Variants in SESN3 observed in about 807,000 individuals in gnomAD.
SESN3 encodes the protein sestrin-3.
SESN3 carries 21 observed loss-of-function variants against 55.3 expected under a neutral mutation model. The observed-to-expected ratio is 0.38, with a 90% confidence interval of 0.27 to 0.55. The LOEUF is 0.55. Ranked by LOEUF, SESN3 falls within the 20% of genes least tolerant of loss-of-function variation. The pLI, the probability that SESN3 is intolerant of heterozygous loss-of-function variation, is 0.76. For synonymous variants in SESN3, 181 were observed against 203.1 expected (o/e 0.89, Z 0.93); for missense variants, 408 against 604.3 (o/e 0.68, Z 3.41).
At chr11:95,212,867 T>C (rs558655189) in intron 1 of SESN3, among the ~76,000 whole-genome samples, 3 of 152,310 alleles carry the variant, frequency 2.0e-5, no homozygotes, top group East Asian at 1.9e-4. Context: ...CTGTGAACAT[T>C]TGTCTTTATC....
At chr11:95,176,289 A>G (rs991845645) in intron 8 of SESN3, among the ~76,000 whole-genome samples, 10 of 152,256 alleles carry the variant, frequency 6.6e-5, no homozygotes, top group African/African-American at 2.4e-4. Flanking sequence ...GTGACAGTAA[A>G]TATACACAAT....
At chr11:95,187,249 T>C (rs1860185480) in intron 4 of SESN3, among the ~76,000 whole-genome samples, 1 of 151,884 alleles carries the variant, frequency 6.6e-6, no homozygotes, top group South Asian at 2.1e-4. Flanking sequence ...TAGAACAAAG[T>C]GTATTAATAT....
chr11:95,212,258 C>A (rs1860669630), intron 1 of SESN3, among the ~76,000 whole-genome samples: 1 of 152,040 alleles, frequency 6.6e-6, no homozygotes, highest in African/African-American at 2.4e-5. Context: ...ACATAATAAT[C>A]TATTAACCTC....
chr11:95,185,725 A>G (rs931002150), intron 4 of SESN3, among the ~76,000 whole-genome samples: 1 of 152,076 alleles, frequency 6.6e-6, no homozygotes, highest in African/African-American at 2.4e-5. Flanking sequence ...ATTATACAAT[A>G]AATCTTCTGC....
chr11:95,187,424 AT>A (rs1291222711), intron 4 of SESN3, among the ~76,000 whole-genome samples: 4 of 151,918 alleles, frequency 2.6e-5, no homozygotes, highest in Non-Finnish European at 5.9e-5. Flanking sequence ...TTAAAAATTC[AT>A]TACAATCTGG....
Position 95,191,429 on chromosome 11 carries a change from G to A in SESN3, c.317C>T (p.Pro106Leu). ...MLRMDGPLPLPYRHYIAIMAA... is the reference protein window; with the variant it reads ...MLRMDGPLPLLYRHYIAIMAA... ...CATTATTGCAATATAGTGCCTGTATGGTAGAGGAAGGGGACCATCCATGCG... is the reference window on the plus strand; with the variant it reads ...CATTATTGCAATATAGTGCCTGTATAGTAGAGGAAGGGGACCATCCATGCG... The change falls in exon 3 of 10, where the codon CCA (proline) becomes CTA (leucine). Residue 106 changes from proline to leucine, a missense_variant. Pro to Leu is a moderately conservative substitution (Grantham distance 98). Transcript: ENST00000536441. 1 of 1,612,566 alleles carries A rather than the reference G, an allele frequency of 6.2e-7. No homozygotes were observed. Among genetic ancestry groups the A allele is most frequent in the East Asian group, 2.2e-5 (1 of 44,854 alleles).
Position 95,173,111 on chromosome 11 carries a change from C to CAA in SESN3, c.*142_*143dup, listed in dbSNP as rs1481946163. On this transcript the variant is annotated 3_prime_UTR_variant, in exon 10 of 10. Coordinates refer to ENST00000536441, the MANE Select transcript of SESN3 (RefSeq NM_144665.4). The stretch of plus-strand genomic sequence containing the variant: ...AACACATCATTGCACATTACAGCCG[C>CAA]AAAAAACAAAAAAAAAAAAACAAAC... 9 of 473,128 alleles carry CAA rather than the reference C, an allele frequency of 1.9e-5. No homozygotes were observed. The highest frequency in any genetic ancestry group is 1.6e-4 in the South Asian group (4 of 24,506). The allele number at this position is 473,128 out of a possible 1,614,324, so 29.3% of individuals were successfully genotyped here.
At chr11:95,212,757 T>C (rs573426190) in intron 1 of SESN3, among the ~76,000 whole-genome samples, 3 of 152,292 alleles carry the variant, frequency 2.0e-5, no homozygotes, top group African/African-American at 4.8e-5. Context: ...CCAGATTGTA[T>C]TGATCTATGT....
At chr11:95,204,443 TA>T (rs1406209258) in intron 1 of SESN3, among the ~76,000 whole-genome samples, 1 of 152,192 alleles carries the variant, frequency 6.6e-6, no homozygotes, top group South Asian at 2.1e-4. Flanking sequence ...TTCATTTGAT[TA>T]TTTTTTTAAA....
At chr11:95,206,828 C>T (rs1159411527) in intron 1 of SESN3, among the ~76,000 whole-genome samples, 1 of 151,672 alleles carries the variant, frequency 6.6e-6, no homozygotes, top group African/African-American at 2.4e-5. Context: ...CGGAATCTTG[C>T]TCTGTTGCCC....
At chr11:95,232,080 T>G (rs750068047), upstream of SESN3, 1 of 152,290 alleles carries the variant, frequency 6.6e-6, no homozygotes, top group Admixed American at 6.5e-5. Context: ...TTCGGATACA[T>G]GCAGAGCACA....
chr11:95,230,797 T>C lies in SESN3; in HGVS notation c.64A>G (p.Lys22Glu). The C allele has an allele frequency of 6.3e-7, 1 of 1,598,920 alleles. No individual in the cohort carries two copies. The highest frequency in any genetic ancestry group is 1.1e-5 in the South Asian group (1 of 90,806). ...CGAACCCGTACCTTCCGCAGCACTT[T>C]CCGGCAGTTGGTACAGAGCAGGTAG... The part of the protein sequence containing the change: ...ANYLLCTNCR[K>E]VLRKDKRIRV... Residue 22 changes from lysine (K) to glutamate (E), a missense_variant, in exon 1 of 10, where the codon AAA (lysine) becomes GAA (glutamate). By Grantham distance (56) the Lys-to-Glu change is moderately conservative. Coordinates refer to ENST00000536441, the MANE Select transcript of SESN3 (RefSeq NM_144665.4). This position sits in a 1 kb window ranked among gnomAD's most constrained non-coding sequence, Gnocchi z 4.6.
Position 95,230,835 on chromosome 11 carries a change from G to C in SESN3, c.26C>G (p.Ser9Trp). The C allele has an allele frequency of 6.3e-7, 1 of 1,585,088 alleles. No homozygotes were observed. Among genetic ancestry groups the C allele is most frequent in the South Asian group, 1.1e-5 (1 of 89,142 alleles). Reference protein sequence around the residue: MNRGGGSPSAAANYLLCTN... With the variant: MNRGGGSPWAAANYLLCTN... ...ACAGAGCAGGTAGTTGGCGGCGGCCGACGGGCTGCCGCCGCCCCGGTTCAT... is the reference window on the plus strand; with the variant it reads ...ACAGAGCAGGTAGTTGGCGGCGGCCCACGGGCTGCCGCCGCCCCGGTTCAT... Residue 9 changes from serine to tryptophan, a missense_variant, in exon 1 of 10, where the codon TCG becomes TGG. Coordinates refer to ENST00000536441, the MANE Select transcript of SESN3 (RefSeq NM_144665.4). This position sits in a 1 kb window ranked among gnomAD's most constrained non-coding sequence, Gnocchi z 4.6.
intron 8 of SESN3, 78 bp from the exon 9 acceptor site, chr11:95,175,720 T>C (rs1859943509): frequency 8.4e-7 from 1 of 1,190,098 alleles, no homozygotes; most frequent in Non-Finnish European, 1.2e-6. Context: ...AGGACATTTA[T>C]TGTCTAGTAA....
intron 1 of SESN3, among the ~76,000 whole-genome samples, chr11:95,195,648 C>G (rs1860347876): frequency 6.6e-6 from 1 of 152,146 alleles, no homozygotes; most frequent in South Asian, 2.1e-4. Context: ...TAGTTATATA[C>G]AGTTTTCACT....
chr11:95,221,918 T>G (rs1350843579), intron 1 of SESN3, among the ~76,000 whole-genome samples: 1 of 152,184 alleles, frequency 6.6e-6, no homozygotes, highest in Non-Finnish European at 1.5e-5. Context: ...TATGAACAAT[T>G]CTATTTCAAA....
chr11:95,205,650 T>C (rs1378754503), intron 1 of SESN3, among the ~76,000 whole-genome samples: 1 of 152,162 alleles, frequency 6.6e-6, no homozygotes, highest in Non-Finnish European at 1.5e-5. Context: ...ATTATGCTTA[T>C]AAGACAGTAA....
At chr11:95,211,076 C>T (rs1160461761) in intron 1 of SESN3, among the ~76,000 whole-genome samples, 1 of 152,136 alleles carries the variant, frequency 6.6e-6, no homozygotes, top group South Asian at 2.1e-4. Context: ...ATAAATATCC[C>T]AGATAATCAT....
At position 95,211,764 on chromosome 11, in the gene SESN3, C is replaced by T. The variant is rs576025921; in HGVS notation, c.79-18242G>A. Among the ~76,000 whole-genome samples the T allele has an allele frequency of 9.3e-4, 141 of 151,420 alleles. 1 individual carries two copies. Among genetic ancestry groups the T allele is most frequent in the African/African-American group, 3.3e-3 (136 of 41,274 alleles). On this transcript the variant is annotated intron_variant, in intron 1 of 9. Coordinates refer to ENST00000536441, the MANE Select transcript of SESN3 (RefSeq NM_144665.4). ...CAGCCTGGGTGACAGAGCAAAACTC[C>T]GTCTCAAAAAAAAAAAGTAACTGCT...
Sources: gnomAD v4.1 joint callset for allele counts (sites outside exome capture counted in the v4.1 genomes callset) on GRCh38, gnomAD v4.1.1 for gene constraint, Gnocchi (gnomAD v3.1) non-coding constraint, MANE v1.5 for transcripts, NCBI Gene and HGNC (gene_info 2026-07-23, HGNC 2026-07-21) for gene names.